The following SCRG1 variants were observed in gnomAD, a reference collection of about 807,000 sequenced individuals.
SCRG1 encodes stimulator of chondrogenesis 1, also known as scrapie-responsive protein 1.
SCRG1 carries 3 observed loss-of-function variants against 7.7 expected under a neutral mutation model. The observed-to-expected ratio is 0.39, with a 90% CI of 0.18 to 1.01. The LOEUF (loss-of-function observed/expected upper bound fraction) is 1.01, where lower values mean the gene tolerates loss of function less well. Among genes scored for constraint, SCRG1 ranks in the 50% least tolerant of loss-of-function variants. The pLI is 0.36. For missense variants in SCRG1, 110 were observed against 117.2 expected, an observed-to-expected ratio of 0.94 and a Z score of 0.28; for synonymous variants, 46 against 41.2, an observed-to-expected ratio of 1.12 and a Z score of -0.44.
the SCRG1 span, among the ~76,000 whole-genome samples, chr4:173,456,265 C>T: frequency 6.6e-6 from 1 of 152,170 alleles, no homozygotes; most frequent in South Asian, 2.1e-4. Flanking sequence ...ACCCCTACAA[C>T]TTTGATTGAA....
chr4:173,464,314 C>T, the SCRG1 span, among the ~76,000 whole-genome samples: 3 of 152,146 alleles, frequency 2.0e-5, no homozygotes, highest in African/African-American at 7.2e-5. Flanking sequence ...CACAGAGTCA[C>T]AGGTCATGGC....
At chr4:173,431,289 G>C in the SCRG1 span, among the ~76,000 whole-genome samples, 1 of 152,128 alleles carries the variant, frequency 6.6e-6, no homozygotes, top group Non-Finnish European at 1.5e-5. Context: ...CAGGGCTCCT[G>C]GCCTTTGACT....
At chr4:173,510,422 CCATA>C in the SCRG1 span, among the ~76,000 whole-genome samples, 1 of 34,564 alleles carries the variant, frequency 2.9e-5, no homozygotes, top group Non-Finnish European at 7.6e-5. The surrounding 1 kb of genome is among the most constrained non-coding windows in gnomAD (Gnocchi z 5.7). Flanking sequence ...CAGGCCAAAA[CCATA>C]TATATATATA....
At chr4:173,476,379 T>TATAA in the SCRG1 span, among the ~76,000 whole-genome samples, 2 of 137,328 alleles carry the variant, frequency 1.5e-5, no homozygotes, top group East Asian at 2.2e-4. Context: ...TATATATATA[T>TATAA]AATGAATTGA....
At chr4:173,493,452 G>C in the SCRG1 span, among the ~76,000 whole-genome samples, 5 of 151,974 alleles carry the variant, frequency 3.3e-5, no homozygotes, top group Non-Finnish European at 7.4e-5. Context: ...TTGCCTGCCA[G>C]TCATCTTCCC....
chr4:173,415,557 T>C, the SCRG1 span, among the ~76,000 whole-genome samples: 7 of 152,208 alleles, frequency 4.6e-5, no homozygotes, highest in African/African-American at 9.6e-5. Context: ...GGCCTCCAAA[T>C]AGCCTTTTCT....
chr4:173,515,396 A>G, the SCRG1 span, among the ~76,000 whole-genome samples: 1 of 150,384 alleles, frequency 6.6e-6, no homozygotes, highest in Non-Finnish European at 1.5e-5. The surrounding 1 kb of genome is among the most constrained non-coding windows in gnomAD (Gnocchi z 4.6). Context: ...TAATAGAAGC[A>G]ACAGAAGGAG....
chr4:173,493,106 G>C, the SCRG1 span, among the ~76,000 whole-genome samples: 1 of 152,124 alleles, frequency 6.6e-6, no homozygotes, highest in Admixed American at 6.5e-5. Context: ...TTGAGTCACT[G>C]TTATTACGGT....
At chr4:173,419,889 C>A in the SCRG1 span, 2 of 974,638 alleles carry the variant, frequency 2.1e-6, no homozygotes, top group East Asian at 2.4e-5. Flanking sequence ...TACGCTGCAG[C>A]ATAATTTGTC....
At chr4:173,390,406 G>A (rs987420471) in intron 2 of SCRG1, among the ~76,000 whole-genome samples, 2 of 150,958 alleles carry the variant, frequency 1.3e-5, no homozygotes, top group African/African-American at 2.4e-5. Context: ...ATTTTTGACC[G>A]TTACTAAACT....
chr4:173,410,162 G>C, upstream of SCRG1, among the ~76,000 whole-genome samples: 1 of 152,220 alleles, frequency 6.6e-6, no homozygotes, highest in Non-Finnish European at 1.5e-5. Flanking sequence ...GTCTGGCTCA[G>C]TGACAGGTTC....
the SCRG1 span, chr4:173,446,795 G>A: frequency 4.9e-4 from 74 of 152,276 alleles, 1 homozygote; most frequent in Admixed American, 9.1e-4. Flanking sequence ...GTTGTTAGAT[G>A]GATAAGAACT....
chr4:173,402,024 G>A (rs544361574), upstream of SCRG1, among the ~76,000 whole-genome samples: 10 of 152,216 alleles, frequency 6.6e-5, no homozygotes, highest in African/African-American at 2.2e-4. Flanking sequence ...GGAGCCTTAA[G>A]GCCTTTTAGT....
chr4:173,484,121 C>T, the SCRG1 span, among the ~76,000 whole-genome samples: 5,653 of 45,406 alleles, frequency 0.12, 305 homozygotes, highest in East Asian at 0.46. Flanking sequence ...ATATAATATA[C>T]AATATATAAT....
the SCRG1 span, among the ~76,000 whole-genome samples, chr4:173,483,723 G>A: frequency 4.3e-3 from 6 of 1,406 alleles, 3 homozygotes; most frequent in East Asian, 0.2. Flanking sequence ...ATTATATTGT[G>A]ATATATCATA....
At chr4:173,518,829 C>T in the SCRG1 span, among the ~76,000 whole-genome samples, 5 of 152,300 alleles carry the variant, frequency 3.3e-5, no homozygotes, top group Non-Finnish European at 7.4e-5. Flanking sequence ...TCTGCTTCCG[C>T]CTTTGTGTCC....
chr4:173,394,203 C>T (rs1739531184), intron 1 of SCRG1, among the ~76,000 whole-genome samples: 1 of 152,034 alleles, frequency 6.6e-6, no homozygotes, highest in Non-Finnish European at 1.5e-5. Context: ...CTTTTCCCCC[C>T]TGCCTTGTCT....
chr4:173,483,194 ATATAT>A, the SCRG1 span, among the ~76,000 whole-genome samples: 1 of 96,924 alleles, frequency 1.0e-5, no homozygotes, highest in Non-Finnish European at 2.0e-5. Flanking sequence ...TATATATGAT[ATATAT>A]TATATGATAT....
chr4:173,395,284 A>G (rs550512502), intron 1 of SCRG1, among the ~76,000 whole-genome samples: 15 of 152,344 alleles, frequency 9.8e-5, no homozygotes, highest in Non-Finnish European at 1.0e-4. Context: ...GTTCACTACC[A>G]TACACCAGTG....
Sources: gnomAD v4.1 joint callset for allele counts (sites outside exome capture counted in the v4.1 genomes callset) on GRCh38, gnomAD v4.1.1 for gene constraint, Gnocchi (gnomAD v3.1) non-coding constraint, MANE v1.5 for transcripts, NCBI Gene and HGNC (gene_info 2026-07-23, HGNC 2026-07-21) for gene names.